The following CADPS2 variants were observed in gnomAD, a reference collection of about 807,000 sequenced individuals.
The protein encoded by CADPS2 is calcium dependent secretion activator 2, also known as calcium-dependent secretion activator 2.
A neutral mutation model predicts 172.5 loss-of-function variants in CADPS2; 93 were observed. That is an observed-to-expected ratio of 0.54 (90% CI 0.46 to 0.64). CADPS2 has a LOEUF of 0.64. Ranked by LOEUF, CADPS2 falls within the 30% of genes least tolerant of loss-of-function variation. The pLI is 0.00. For missense variants in CADPS2, 1,420 were observed against 1,565.9 expected (o/e 0.91, Z 1.57); for synonymous variants, 546 against 555.2 (o/e 0.98, Z 0.23).
chr7:122,535,584 A>G (rs1440876425), intron 8 of CADPS2, among the ~76,000 whole-genome samples: 1 of 152,106 alleles, frequency 6.6e-6, no homozygotes, highest in Non-Finnish European at 1.5e-5. Context: ...GACTTTTACA[A>G]AACAGGCATA....
Position 122,320,284 on chromosome 7 carries a change from T to G in CADPS2, c.3772A>C (p.Lys1258Gln), listed in dbSNP as rs2032126045. The G allele has an allele frequency of 6.2e-7, 1 of 1,612,478 alleles. No homozygotes were observed. The highest frequency in any genetic ancestry group is 1.3e-5 in the African/African-American group (1 of 74,878). ...CGTCTGTGCACAGTATCATAAGTCT[T>G]ACTGTTCAGTGTTCCTTCCAACACA... ...QGVLEGTLNS[K>Q]TYDTVHRRLT... Residue 1258 changes from lysine to glutamine, a missense_variant, in exon 30 of 30, where the codon AAG becomes CAG. Transcript: ENST00000449022.
chr7:122,866,820 C>T (rs1380926873), intron 1 of CADPS2, among the ~76,000 whole-genome samples: 1 of 152,158 alleles, frequency 6.6e-6, no homozygotes, highest in Non-Finnish European at 1.5e-5. Context: ...CTTTTGAAAA[C>T]CTTCCAACAG....
At position 122,320,024 on chromosome 7, in the gene CADPS2, C is replaced by T. The variant is rs2032063698; in HGVS notation, c.*141G>A. The T allele has an allele frequency of 1.2e-6, 1 of 837,942 alleles. No individual in the cohort carries two copies. Among genetic ancestry groups the T allele is most frequent in the Non-Finnish European group, 1.7e-6 (1 of 603,810 alleles). 51.9% of individuals were successfully genotyped at this position (837,942 alleles called of 1,614,324 possible). On this transcript the variant is annotated 3_prime_UTR_variant, in exon 30 of 30. Transcript: ENST00000449022. ...TCTTGGCATTTCCCCTTTTACTCTA[C>T]ATTCAGGCTTACTTTTTAAAGAAAT...
chr7:122,462,059 A>T (rs1167967383), intron 14 of CADPS2, among the ~76,000 whole-genome samples: 1 of 152,270 alleles, frequency 6.6e-6, no homozygotes, highest in Non-Finnish European at 1.5e-5. Flanking sequence ...CACAGTGTAT[A>T]AGAGTCCATT....
chr7:122,372,534 C>G (rs2041890637), intron 25 of CADPS2, among the ~76,000 whole-genome samples: 1 of 152,070 alleles, frequency 6.6e-6, no homozygotes, highest in South Asian at 2.1e-4. Context: ...AGAAGAGGAT[C>G]TAAAGGTAGC....
chr7:122,583,557 CA>C (rs2069146178), intron 6 of CADPS2, among the ~76,000 whole-genome samples: 1 of 151,264 alleles, frequency 6.6e-6, no homozygotes, highest in African/African-American at 2.4e-5. Context: ...TTATTAGACA[CA>C]CACATAAATA....
chr7:122,542,555 T>C (rs2063209114), intron 8 of CADPS2, among the ~76,000 whole-genome samples: 2 of 152,172 alleles, frequency 1.3e-5, no homozygotes, highest in East Asian at 1.9e-4. Flanking sequence ...AAAACATGCA[T>C]ATTTGTGTCC....
intron 17 of CADPS2, among the ~76,000 whole-genome samples, chr7:122,427,698 T>C (rs975395634): frequency 6.6e-6 from 1 of 152,198 alleles, no homozygotes; most frequent in African/African-American, 2.4e-5. Flanking sequence ...TCATGGGCTT[T>C]GGTGATGGCT....
chr7:122,621,235 G>A (rs2133988731), intron 5 of CADPS2, among the ~76,000 whole-genome samples: 1 of 152,222 alleles, frequency 6.6e-6, no homozygotes, highest in East Asian at 1.9e-4. Context: ...AGCCTCGCTG[G>A]CATAAAGAAG....
At chr7:122,413,746 T>C (rs1480956477) in intron 19 of CADPS2, among the ~76,000 whole-genome samples, 1 of 152,166 alleles carries the variant, frequency 6.6e-6, no homozygotes, top group Non-Finnish European at 1.5e-5. Context: ...CCAATATTGT[T>C]CAGAGAAAAC....
chr7:122,423,898 C>T (rs2048834572), intron 17 of CADPS2, among the ~76,000 whole-genome samples: 1 of 152,240 alleles, frequency 6.6e-6, no homozygotes, highest in East Asian at 1.9e-4. Context: ...TTACGAAAAA[C>T]AAAGTTAAAA....
intron 3 of CADPS2, among the ~76,000 whole-genome samples, chr7:122,657,336 T>A (rs9692276): frequency 0.74 from 111,849 of 152,048 alleles, 41,628 homozygotes; most frequent in Middle Eastern, 0.91. Context: ...TGCTTTCCGA[T>A]TCTGTGAAGA....
At chr7:122,343,795 G>C (rs932134087) in intron 28 of CADPS2, among the ~76,000 whole-genome samples, 24 of 152,116 alleles carry the variant, frequency 1.6e-4, no homozygotes, top group Non-Finnish European at 5.9e-5. Flanking sequence ...CACCACATTA[G>C]CAGAAAAAGT....
intron 27 of CADPS2, among the ~76,000 whole-genome samples, chr7:122,351,615 C>T (rs992099957): frequency 6.6e-6 from 1 of 151,932 alleles, no homozygotes; most frequent in African/African-American, 2.4e-5. Flanking sequence ...TAAGTAGGTA[C>T]ATTTGATTCA....
intron 18 of CADPS2, among the ~76,000 whole-genome samples, chr7:122,414,613 A>G (rs1017201922): frequency 6.6e-6 from 1 of 152,222 alleles, no homozygotes; most frequent in Admixed American, 6.5e-5. Flanking sequence ...AGTTTAAAAT[A>G]AAATATCCAT....
rs779959517 is a variant in CADPS2, at chr7:122,581,304, A to G, written c.1224-14T>C. On this transcript the variant is annotated splice_polypyrimidine_tract_variant and intron_variant, in intron 6 of 29. Transcript: ENST00000449022. Reference sequence around the variant, plus strand: ...TGAGTCCCCCATCTGTAATGAAGTAAAAAAAATGTTTCTTAAAATGCAGCA... The same window carrying G: ...TGAGTCCCCCATCTGTAATGAAGTAGAAAAAATGTTTCTTAAAATGCAGCA... The G allele has an allele frequency of 2.5e-6, 4 of 1,598,526 alleles. No individual in the cohort carries two copies. The highest frequency in any genetic ancestry group is 2.6e-6 in the Non-Finnish European group (3 of 1,166,826).
intron 8 of CADPS2, among the ~76,000 whole-genome samples, chr7:122,544,832 T>A (rs934666381): frequency 6.6e-6 from 1 of 152,148 alleles, no homozygotes; most frequent in African/African-American, 2.4e-5. Context: ...AGGAAGCCTG[T>A]TTATTGGTTC....
intron 9 of CADPS2, among the ~76,000 whole-genome samples, chr7:122,499,304 G>A (rs2059006661): frequency 6.6e-6 from 1 of 152,018 alleles, no homozygotes; most frequent in African/African-American, 2.4e-5. Flanking sequence ...TTCTTTCTCT[G>A]CATGAGCAAT....
chr7:122,709,287 C>T (rs2088223067), intron 2 of CADPS2, among the ~76,000 whole-genome samples: 2 of 152,024 alleles, frequency 1.3e-5, no homozygotes, highest in Admixed American at 1.3e-4. Flanking sequence ...ATTTATGCAG[C>T]CAAAAGACAC....
Sources: allele counts gnomAD v4.1 joint callset (sites outside exome capture counted in the v4.1 genomes callset), GRCh38; gene constraint gnomAD v4.1.1; transcripts MANE v1.5; gene names NCBI Gene and HGNC (gene_info 2026-07-23, HGNC 2026-07-21).